Variants in MTREX observed in about 807,000 individuals in gnomAD.
The protein encoded by MTREX is Mtr4 exosome RNA helicase, also known as exosome RNA helicase MTR4.
Under a neutral mutation model 135.4 loss-of-function variants are expected in MTREX, and 76 were observed. The observed-to-expected ratio is 0.56, with a 90% CI of 0.47 to 0.68. MTREX has a LOEUF of 0.68. MTREX is among the 30% of genes least tolerant of loss of function. The probability of loss-of-function intolerance (pLI) is 0.00; values close to 1 mark genes in which losing one functional copy is unlikely to be tolerated. For synonymous variants in MTREX, 404 were observed against 401.6 expected (o/e 1.01, Z -0.07); for missense variants, 920 against 1,262.1 (o/e 0.73, Z 4.11).
chr5:55,418,177 T>A (rs1429504234), intron 25 of MTREX, among the ~76,000 whole-genome samples: 1 of 144,388 alleles, frequency 6.9e-6, no homozygotes, highest in Non-Finnish European at 1.5e-5. Context: ...GAGCTTGCAG[T>A]GAGCTGAGAT....
At chr5:55,421,600 A>G (rs1751056566) in intron 25 of MTREX, among the ~76,000 whole-genome samples, 1 of 152,210 alleles carries the variant, frequency 6.6e-6, no homozygotes, top group African/African-American at 2.4e-5. Flanking sequence ...TAACTTTCAC[A>G]GATTCTGGTT....
In MTREX at chr5:55,416,091, C is replaced by A. The variant is rs761425289; in HGVS notation, c.2930C>A (p.Ala977Asp). The A allele has an allele frequency of 1.3e-6, 2 of 1,591,870 alleles. No homozygotes were observed. The highest frequency in any genetic ancestry group is 1.7e-6 in the Non-Finnish European group (2 of 1,172,830). ...MDVVYTWATG[A>D]TFAHICKMTD... ...GTAGTATATACCTGGGCAACTGGAG[C>A]TACATTTGCCCATATCTGCAAAATG... Residue 977 changes from alanine to aspartate, a missense_variant, in exon 25 of 27, where the codon GCT (alanine) becomes GAT (aspartate). Physicochemically the swap from Ala to Asp is moderately radical, Grantham distance 126. Around this residue, in one of 6 missense-constraint regions of MTREX, gnomAD observed 467 missense variants for 589.7 expected, o/e 0.79. Transcript: ENST00000230640.
chr5:55,369,725 C>T lies in MTREX; in HGVS notation c.1810+2850C>T, dbSNP rs188423484. The stretch of plus-strand genomic sequence containing the variant: ...TGGGAGCCCCTTTCAATTTTCAGGC[C>T]GAGAAAGTCATTTAAAATATAACCG... On this transcript the variant is annotated intron_variant, in intron 16 of 26. Transcript: ENST00000230640. Among the ~76,000 whole-genome samples the T allele has an allele frequency of 4.0e-4, 61 of 152,094 alleles. 2 individuals carry two copies. In the South Asian group the frequency reaches 8.3e-3, roughly 21 times the overall value.
chr5:55,322,403 A>G lies in MTREX; in HGVS notation c.211A>G (p.Thr71Ala). Reference sequence around the variant, plus strand: ...TAAGAGAGATGTAGATTTCGAAGGTACAGATGAACCCATTTTTGGAAAGAA... The same window carrying G: ...TAAGAGAGATGTAGATTTCGAAGGTGCAGATGAACCCATTTTTGGAAAGAA... The part of the protein sequence containing the change: ...KNKRDVDFEG[T>A]DEPIFGKKPR... The change falls in exon 2 of 27, where the codon ACA (threonine) becomes GCA (alanine). Residue 71 changes from threonine (T) to alanine (A), a missense_variant. Thr to Ala is a moderately conservative substitution (Grantham distance 58, BLOSUM62 0). Around this residue, in one of 6 missense-constraint regions of MTREX, gnomAD observed 136 missense variants for 126.7 expected, o/e 1.07. Coordinates refer to ENST00000230640, the MANE Select transcript of MTREX (RefSeq NM_015360.5). 6.2e-7 allele frequency: 1 copy of G among 1,609,824 alleles called. No individual in the cohort carries two copies. Among genetic ancestry groups the G allele is most frequent in the Non-Finnish European group, 8.5e-7 (1 of 1,177,806 alleles).
At chr5:55,368,868 C>A (rs185831401) in intron 16 of MTREX, among the ~76,000 whole-genome samples, 4 of 152,078 alleles carry the variant, frequency 2.6e-5, no homozygotes, top group African/African-American at 9.7e-5. Flanking sequence ...TCAACACTCA[C>A]CTTTAGTAAA....
chr5:55,402,084 T>C (rs1328888083), intron 21 of MTREX, among the ~76,000 whole-genome samples: 1 of 152,222 alleles, frequency 6.6e-6, no homozygotes, highest in East Asian at 1.9e-4. Flanking sequence ...GAAACTCCTT[T>C]AATAGAGTAA....
At chr5:55,405,075 G>C (rs1045157794) in intron 21 of MTREX, among the ~76,000 whole-genome samples, 1 of 152,004 alleles carries the variant, frequency 6.6e-6, no homozygotes, top group Non-Finnish European at 1.5e-5. Flanking sequence ...GGGATTACAG[G>C]TGTGAGCCAT....
chr5:55,327,636 A>G lies in MTREX; in HGVS notation c.340-80A>G, dbSNP rs569644703. The G allele has an allele frequency of 5.1e-4, 550 of 1,082,054 alleles. 4 individuals are homozygous for G. Among genetic ancestry groups the G allele is most frequent in the Middle Eastern group, 4.6e-3 (22 of 4,734 alleles). 67.0% of individuals were successfully genotyped at this position (1,082,054 alleles called of 1,614,324 possible). A position where few individuals can be genotyped will look rare whatever the true frequency, so the allele number is the denominator to read the frequency against. ...GTTCATCAGTTTTATTTTCCAAACC[A>G]TCATTCATTATGGAATGCTAAATAC... On this transcript the variant is annotated intron_variant, in intron 3 of 26. Coordinates refer to ENST00000230640, the MANE Select transcript of MTREX (RefSeq NM_015360.5).
chr5:55,362,330 C>A (rs1183940436), intron 15 of MTREX, among the ~76,000 whole-genome samples: 1 of 151,744 alleles, frequency 6.6e-6, no homozygotes, highest in African/African-American at 2.4e-5. Context: ...CAGAATTTGA[C>A]ATAAGGCAGC....
At chr5:55,393,344 A>G (rs116005990) in intron 19 of MTREX, among the ~76,000 whole-genome samples, 2,088 of 152,300 alleles carry the variant, frequency 0.014, 48 homozygotes, top group African/African-American at 0.047. Context: ...TCCTTACTCC[A>G]CCATTTTCAC....
At chr5:55,344,719 A>C in intron 9 of MTREX, 99 bp downstream of exon 9, 1 of 669,792 alleles carries the variant, frequency 1.5e-6, no homozygotes, top group Admixed American at 3.5e-5. Flanking sequence ...GAAGAATGGA[A>C]AAGATACATT....
intron 1 of MTREX, among the ~76,000 whole-genome samples, chr5:55,316,324 A>G (rs573209517): frequency 6.6e-6 from 1 of 152,276 alleles, no homozygotes. Context: ...ATGGGCAGAG[A>G]CACAACGACA....
chr5:55,351,149 A>C, intron 13 of MTREX, 120 bp downstream of exon 13: 1 of 1,204,484 alleles, frequency 8.3e-7, no homozygotes, highest in Non-Finnish European at 1.1e-6. Context: ...GAAATGACTT[A>C]AATAATGAAC....
chr5:55,367,123 T>TG (rs1750116273), intron 16 of MTREX, among the ~76,000 whole-genome samples: 1 of 152,208 alleles, frequency 6.6e-6, no homozygotes, highest in South Asian at 2.1e-4. Flanking sequence ...TGTGCATATA[T>TG]GTCATATAAC....
Position 55,340,170 on chromosome 5 carries a change from G to T in MTREX, c.676G>T (p.Val226Phe). The T allele has an allele frequency of 6.3e-7, 1 of 1,581,072 alleles. No homozygotes were observed. Among genetic ancestry groups the T allele is most frequent in the Admixed American group, 1.8e-5 (1 of 54,728 alleles). The change falls in exon 6 of 27, where the codon GTT (valine) becomes TTT (phenylalanine). Residue 226 changes from valine to phenylalanine, a missense_variant. Physicochemically the swap from Val to Phe is conservative, Grantham distance 50 (BLOSUM62 -1). Transcript: ENST00000230640. ...TATTAATCCTACGGCATCTTGTCTTGTTATGACCACAGAGGTAATTCATGT... is the reference window on the plus strand; with the variant it reads ...TATTAATCCTACGGCATCTTGTCTTTTTATGACCACAGAGGTAATTCATGT... ...VTINPTASCLVMTTEILRSML... is the reference protein window; with the variant it reads ...VTINPTASCLFMTTEILRSML...
chr5:55,344,505 A>ATTCT lies in MTREX; in HGVS notation c.907-10_907-7dup. 1 of 1,540,644 alleles carries ATTCT rather than the reference A, an allele frequency of 6.5e-7. No individual in the cohort carries two copies. The highest frequency in any genetic ancestry group is 9.0e-7 in the Non-Finnish European group (1 of 1,114,986). ...GAGGAAATAAAATTTTGTATGTTTA[A>ATTCT]TTCTTTCTTTTTACAGCCTTGTCAT... is the stretch of plus-strand genomic sequence containing the variant. On this transcript the variant is annotated splice_polypyrimidine_tract_variant and intron_variant, in intron 8 of 26. Transcript: ENST00000230640.
chr5:55,329,814 T>G (rs1749441353), intron 5 of MTREX, among the ~76,000 whole-genome samples: 1 of 152,060 alleles, frequency 6.6e-6, no homozygotes, highest in Non-Finnish European at 1.5e-5. Context: ...TATCATTGAT[T>G]TTAAGCAGTT....
chr5:55,341,587 A>G (rs572833372), intron 6 of MTREX, 94 bp from the exon 7 acceptor site: 30 of 573,900 alleles, frequency 5.2e-5, no homozygotes, highest in Non-Finnish European at 8.3e-5. Flanking sequence ...AATAAAGAAT[A>G]TCCAAAATTC....
chr5:55,317,637 G>A (rs1037170051), intron 1 of MTREX, among the ~76,000 whole-genome samples: 2 of 152,136 alleles, frequency 1.3e-5, no homozygotes, highest in African/African-American at 4.8e-5. Context: ...ACTCAAGGTG[G>A]ATTAAAGACA....
Sources: allele counts gnomAD v4.1 joint callset (sites outside exome capture counted in the v4.1 genomes callset), GRCh38; gene constraint gnomAD v4.1.1; regional missense constraint gnomAD v4.1.1; transcripts MANE v1.5; gene names NCBI Gene and HGNC (gene_info 2026-07-23, HGNC 2026-07-21).